ABTB2: variants seen among roughly 807,000 people sequenced by gnomAD.
The protein encoded by ABTB2 is ankyrin repeat and BTB domain containing 2.
A neutral mutation model predicts 104.1 loss-of-function variants in ABTB2; 56 were observed. That is an observed-to-expected ratio of 0.54 (90% confidence interval 0.43 to 0.67). The LOEUF (loss-of-function observed/expected upper bound fraction) is 0.67. Ranked by LOEUF, ABTB2 falls within the 30% of genes least tolerant of loss-of-function variation. ABTB2 has a pLI of 0.00. For missense variants in ABTB2, 1,279 were observed against 1,407.7 expected, an observed-to-expected ratio of 0.91 and a Z score of 1.46; for synonymous variants, 606 against 608.2, an observed-to-expected ratio of 1.00 and a Z score of 0.05.
chr11:34,335,074 A>AT, intron 1 of ABTB2: 1 of 902,328 alleles, frequency 1.1e-6, no homozygotes, highest in Non-Finnish European at 1.8e-6. Context: ...CAACCCAAAT[A>AT]TTACATACAA....
intron 1 of ABTB2, among the ~76,000 whole-genome samples, chr11:34,343,044 A>G (rs1855282334): frequency 6.6e-6 from 1 of 152,006 alleles, no homozygotes; most frequent in South Asian, 2.1e-4. Flanking sequence ...ATCTTGGCTC[A>G]CTGCAACCTC....
At position 34,234,918 on chromosome 11, in the gene ABTB2, C is replaced by T. The variant is rs964225228; in HGVS notation, c.884-30228G>A. On this transcript the variant is annotated intron_variant, in intron 1 of 16. Transcript: ENST00000435224. ...CTTCGCCCAGGCTGGAGTGCAGTGG[C>T]GCTATCTTGGCTCACTGCAAGCTCT... Among the ~76,000 whole-genome samples, 56 of 152,162 alleles carry T rather than the reference C, an allele frequency of 3.7e-4. 1 individual carries two copies. The highest frequency in any genetic ancestry group is 8.9e-4 in the African/African-American group (37 of 41,438).
At chr11:34,289,973 C>G (rs1056962590) in intron 1 of ABTB2, among the ~76,000 whole-genome samples, 1 of 152,222 alleles carries the variant, frequency 6.6e-6, no homozygotes, top group Non-Finnish European at 1.5e-5. Context: ...AGTCCTCACT[C>G]TCCCCAGTTG....
intron 1 of ABTB2, among the ~76,000 whole-genome samples, chr11:34,206,497 A>T (rs1211822841): frequency 1.3e-5 from 2 of 152,224 alleles, no homozygotes; most frequent in African/African-American, 4.8e-5. Flanking sequence ...TAAGTGGAAG[A>T]GCTAGGATTC....
At chr11:34,206,725 C>A (rs985615813) in intron 1 of ABTB2, among the ~76,000 whole-genome samples, 1 of 152,202 alleles carries the variant, frequency 6.6e-6, no homozygotes, top group Non-Finnish European at 1.5e-5. Context: ...CAGAGGTCTT[C>A]CTCCAGCCCA....
At chr11:34,331,200 T>C (rs1483601212) in intron 1 of ABTB2, among the ~76,000 whole-genome samples, 4 of 152,238 alleles carry the variant, frequency 2.6e-5, no homozygotes, top group Non-Finnish European at 4.4e-5. Context: ...CTTTGGCTTC[T>C]TTTTAGTTTG....
At chr11:34,251,085 G>T (rs1185233191) in intron 1 of ABTB2, among the ~76,000 whole-genome samples, 1 of 152,184 alleles carries the variant, frequency 6.6e-6, no homozygotes, top group African/African-American at 2.4e-5. Flanking sequence ...TGGGCTAAGA[G>T]ATAAATCTTC....
At chr11:34,168,045 A>C in intron 5 of ABTB2, 53 bp from the exon 6 acceptor site, 1 of 1,552,928 alleles carries the variant, frequency 6.4e-7, no homozygotes, top group African/African-American at 1.4e-5. Context: ...ACACAACACC[A>C]TGTGCCCACA....
chr11:34,226,204 T>TAA (rs34915007), intron 1 of ABTB2, among the ~76,000 whole-genome samples: 324 of 79,576 alleles, frequency 4.1e-3, no homozygotes, highest in Non-Finnish European at 5.4e-3. Flanking sequence ...GAGAGTCCAT[T>TAA]AAAAAAAAAA....
In ABTB2 at chr11:34,354,543, A is replaced by G. The variant is rs1855440294; in HGVS notation, c.883+2158T>C. On this transcript the variant is annotated intron_variant, in intron 1 of 16. Transcript: ENST00000435224. ...GCCAAAAGACCAACTTATAAAGGAAATCCCAAGGAATGCTGACCCTAGATA... is the reference window on the plus strand; with the variant it reads ...GCCAAAAGACCAACTTATAAAGGAAGTCCCAAGGAATGCTGACCCTAGATA... Among the ~76,000 whole-genome samples, 5 of 152,106 alleles carry G rather than the reference A, an allele frequency of 3.3e-5. No homozygotes were observed. The South Asian group carries it at 1.0e-3, about 32-fold the overall frequency.
intron 3 of ABTB2, among the ~76,000 whole-genome samples, chr11:34,179,122 TTTTG>T (rs779306933): frequency 6.8e-4 from 102 of 151,050 alleles, no homozygotes; most frequent in Non-Finnish European, 1.1e-3. Flanking sequence ...CTCAAAGAGC[TTTTG>T]TTTATGTGTG....
intron 1 of ABTB2, among the ~76,000 whole-genome samples, chr11:34,315,072 G>T (rs16925421): frequency 6.6e-6 from 1 of 152,164 alleles, no homozygotes; most frequent in Non-Finnish European, 1.5e-5. Context: ...CGCCAGAAGG[G>T]CTCAAAATTC....
At position 34,308,441 on chromosome 11, in the gene ABTB2, C is replaced by T. The variant is rs1854804599; in HGVS notation, c.883+48260G>A. 2.6e-5 allele frequency among the ~76,000 whole-genome samples: 4 copies of T among 152,262 alleles called. No homozygotes were observed. In the South Asian group the frequency reaches 8.3e-4, roughly 32 times the overall value. ...AAAAACTTAAGACTGCAGTGTGGGG[C>T]CATTTAATATTGGGACCAACATTCG... is the stretch of plus-strand genomic sequence containing the variant. On this transcript the variant is annotated intron_variant, in intron 1 of 16. Coordinates refer to ENST00000435224, the MANE Select transcript of ABTB2 (RefSeq NM_145804.3).
intron 1 of ABTB2, among the ~76,000 whole-genome samples, chr11:34,279,624 G>A (rs576873968): frequency 8.5e-5 from 13 of 152,174 alleles, no homozygotes; most frequent in African/African-American, 3.1e-4. Context: ...TACAGTGGGG[G>A]TTAAATGGAC....
At chr11:34,211,177 C>T (rs1316976906) in intron 1 of ABTB2, among the ~76,000 whole-genome samples, 1 of 152,176 alleles carries the variant, frequency 6.6e-6, no homozygotes, top group Non-Finnish European at 1.5e-5. Context: ...AATGGGATTA[C>T]AGCTCACTAC....
At chr11:34,208,096 C>T (rs1322343638) in intron 1 of ABTB2, among the ~76,000 whole-genome samples, 1 of 152,222 alleles carries the variant, frequency 6.6e-6, no homozygotes, top group Non-Finnish European at 1.5e-5. Flanking sequence ...CTCTCTCCCA[C>T]ATCAGCTCAT....
intron 1 of ABTB2, among the ~76,000 whole-genome samples, chr11:34,311,552 C>T (rs1257098715): frequency 6.6e-6 from 1 of 152,152 alleles, no homozygotes; most frequent in Non-Finnish European, 1.5e-5. Context: ...AATTCTGAAG[C>T]CGCTGCTAAT....
At chr11:34,159,168 A>G in intron 14 of ABTB2, 128 bp downstream of exon 14, 1 of 699,232 alleles carries the variant, frequency 1.4e-6, no homozygotes, top group South Asian at 1.8e-5. Context: ...TGCTCTATTC[A>G]TTCAACAGAA....
intron 1 of ABTB2, among the ~76,000 whole-genome samples, chr11:34,208,278 T>C (rs1853434039): frequency 6.6e-6 from 1 of 152,228 alleles, no homozygotes; most frequent in African/African-American, 2.4e-5. Context: ...TATCTATTTT[T>C]TTCTATTTAG....
Sources: allele counts gnomAD v4.1 joint callset (sites outside exome capture counted in the v4.1 genomes callset), GRCh38; gene constraint gnomAD v4.1.1; transcripts MANE v1.5; gene names NCBI Gene and HGNC (gene_info 2026-07-23, HGNC 2026-07-21).